The following ANKRD12 variants were observed in gnomAD, a reference collection of about 807,000 sequenced individuals.
The protein encoded by ANKRD12 is ankyrin repeat domain-containing protein 12.
In ANKRD12, 85 loss-of-function variants were observed where a neutral mutation model predicts 183.4. That is an observed-to-expected ratio of 0.46 (90% CI 0.39 to 0.56). The LOEUF is 0.56. Ranked by LOEUF, ANKRD12 falls within the 20% of genes least tolerant of loss-of-function variation. ANKRD12 has a pLI of 0.00. For missense variants in ANKRD12, 2,405 were observed against 2,357.1 expected, an observed-to-expected ratio of 1.02 and a Z score of -0.42; for synonymous variants, 914 against 800.2, an observed-to-expected ratio of 1.14 and a Z score of -2.40.
chr18:9,241,873 A>T (rs1436471864), intron 8 of ANKRD12, among the ~76,000 whole-genome samples: 1 of 151,530 alleles, frequency 6.6e-6, no homozygotes, highest in Non-Finnish European at 1.5e-5. Context: ...AAAGCCCAAG[A>T]GTTTTAAATT....
intron 1 of ANKRD12, among the ~76,000 whole-genome samples, chr18:9,142,904 T>A (rs2078368702): frequency 6.6e-6 from 1 of 152,004 alleles, no homozygotes; most frequent in Non-Finnish European, 1.5e-5. Flanking sequence ...TTAGTTGTAA[T>A]GGTTAATGAT....
intron 1 of ANKRD12, among the ~76,000 whole-genome samples, chr18:9,171,906 GCTACT>G (rs1017459206): frequency 1.3e-5 from 2 of 151,776 alleles, no homozygotes; most frequent in Non-Finnish European, 2.9e-5. Context: ...TGTAATCCTG[GCTACT>G]TGGGAGGCTG....
Position 9,156,211 on chromosome 18 carries a change from A to AT in ANKRD12, c.-52+19251dup, listed in dbSNP as rs563993359. The stretch of plus-strand genomic sequence containing the variant: ...TTGGAAAGGCTTTCTCTATCCAAGG[A>AT]TTTTTCCCCTAATACTTATATGGTT... On this transcript the variant is annotated intron_variant, in intron 1 of 12. Coordinates refer to ENST00000262126, the MANE Select transcript of ANKRD12 (RefSeq NM_015208.5). Among the ~76,000 whole-genome samples the AT allele has an allele frequency of 1.6e-3, 242 of 151,558 alleles. 1 individual carries two copies. Among genetic ancestry groups the AT allele is most frequent in the Non-Finnish European group, 2.4e-3 (163 of 67,894 alleles).
intron 1 of ANKRD12, among the ~76,000 whole-genome samples, chr18:9,171,326 A>G (rs2032707225): frequency 6.6e-6 from 1 of 152,186 alleles, no homozygotes; most frequent in South Asian, 2.1e-4. Context: ...GGCTCCTCCA[A>G]GCATGAAATG....
chr18:9,166,786 C>A (rs1426288164), intron 1 of ANKRD12, among the ~76,000 whole-genome samples: 1 of 152,078 alleles, frequency 6.6e-6, no homozygotes, highest in African/African-American at 2.4e-5. Context: ...TCATGAAGTC[C>A]TTGCCCATGC....
intron 3 of ANKRD12, among the ~76,000 whole-genome samples, chr18:9,196,223 C>CATAT (rs199953345): frequency 2.1e-4 from 11 of 52,454 alleles, no homozygotes; most frequent in African/African-American, 6.6e-4. Flanking sequence ...CACACACACA[C>CATAT]TGAGGCTAAC....
intron 1 of ANKRD12, among the ~76,000 whole-genome samples, chr18:9,157,603 A>ATTTT (rs560783016): frequency 2.4e-5 from 2 of 84,640 alleles, no homozygotes; most frequent in Non-Finnish European, 4.5e-5. Context: ...ATATATATGT[A>ATTTT]TTTTTTTTTT....
chr18:9,151,018 T>C (rs2078667827), intron 1 of ANKRD12, among the ~76,000 whole-genome samples: 1 of 152,186 alleles, frequency 6.6e-6, no homozygotes, highest in East Asian at 1.9e-4. Flanking sequence ...GAGCTTTTTG[T>C]GGGAAAATGT....
At chr18:9,182,320 A>T (rs2033752721) in intron 1 of ANKRD12, 62 bp from the exon 2 acceptor site, 1 of 516,140 alleles carries the variant, frequency 1.9e-6, no homozygotes, top group Non-Finnish European at 3.1e-6. Flanking sequence ...AATTGGACTA[A>T]TTGTGGTGCG....
In ANKRD12 at chr18:9,275,663, C is replaced by G. The variant is rs2039796370; in HGVS notation, c.5903C>G (p.Ser1968Cys). 13 of 1,559,284 alleles carry G rather than the reference C, an allele frequency of 8.3e-6. No individual in the cohort carries two copies. Among genetic ancestry groups the G allele is most frequent in the Non-Finnish European group, 1.1e-5 (13 of 1,143,582 alleles). Residue 1968 changes from serine to cysteine, a missense_variant, in exon 11 of 13, where the codon TCT (serine) becomes TGT (cysteine). By Grantham distance (112) the Ser-to-Cys change is moderately radical. Transcript: ENST00000262126. Reference sequence around the variant, plus strand: ...GAAGTATACAATGTACCATTGGACTCTCAGGTAAAATGTTTGTTGATACAT... The same window carrying G: ...GAAGTATACAATGTACCATTGGACTGTCAGGTAAAATGTTTGTTGATACAT... ...DAEVYNVPLD[S>C]QSDDSKTSVR...
At chr18:9,203,690 G>A (rs1440987473) in intron 3 of ANKRD12, among the ~76,000 whole-genome samples, 2 of 151,896 alleles carry the variant, frequency 1.3e-5, no homozygotes, top group African/African-American at 4.8e-5. Context: ...CCGCAACCCC[G>A]GCCACCTGGG....
intron 5 of ANKRD12, 45 bp from the exon 6 acceptor site, chr18:9,211,539 G>A (rs1787096463): frequency 6.6e-7 from 1 of 1,526,662 alleles, no homozygotes; most frequent in Admixed American, 1.7e-5. Context: ...TAAGTATACA[G>A]AATATTTAGC....
At chr18:9,211,525 TA>T in intron 5 of ANKRD12, 58 bp from the exon 6 acceptor site, 1 of 1,452,368 alleles carries the variant, frequency 6.9e-7, no homozygotes, top group Non-Finnish European at 9.5e-7. Context: ...TAAAAACATT[TA>T]AATAAGTATA....
Position 9,157,585 on chromosome 18 carries a change from G to GTATA in ANKRD12, c.-52+20632_-52+20635dup, listed in dbSNP as rs1380048925. 3.3e-3 allele frequency among the ~76,000 whole-genome samples: 303 copies of GTATA among 92,674 alleles called. 2 individuals carry two copies. Among genetic ancestry groups the GTATA allele is most frequent in the African/African-American group, 0.011 (208 of 19,042 alleles). The allele number at this position is 92,674 out of a possible 152,430, so 60.8% of individuals were successfully genotyped here. On this transcript the variant is annotated intron_variant, in intron 1 of 12. Transcript: ENST00000262126. ...TGTGTGTGTGTGTGTGTGTGTGTGT[G>GTATA]TATATATATATATATGTATTTTTTT...
intron 2 of ANKRD12, among the ~76,000 whole-genome samples, chr18:9,194,216 C>A (rs4798784): frequency 0.56 from 85,686 of 151,976 alleles, 25,257 homozygotes; most frequent in South Asian, 0.75. Context: ...CCCAGAGATT[C>A]TGATTCAGTA....
At chr18:9,251,259 C>A (rs992511571) in intron 8 of ANKRD12, among the ~76,000 whole-genome samples, 10 of 152,210 alleles carry the variant, frequency 6.6e-5, no homozygotes, top group African/African-American at 2.4e-4. Flanking sequence ...CCGCATCAGC[C>A]ACATCTGCTT....
chr18:9,152,112 A>G (rs1425462297), intron 1 of ANKRD12, among the ~76,000 whole-genome samples: 3 of 152,230 alleles, frequency 2.0e-5, no homozygotes, highest in African/African-American at 7.2e-5. Context: ...TATTTAATCT[A>G]AAGTACATGT....
In ANKRD12 at chr18:9,208,723, G is replaced by A; in HGVS notation, c.371G>A (p.Ser124Asn). Residue 124 changes from serine to asparagine, a missense_variant, in exon 5 of 13, where the codon AGC becomes AAC. Ser to Asn is a conservative substitution (Grantham distance 46). Around this residue, in one of 7 missense-constraint regions of ANKRD12, gnomAD observed 145 missense variants for 145.6 expected, o/e 1.00. Coordinates refer to ENST00000262126, the MANE Select transcript of ANKRD12 (RefSeq NM_015208.5). ...GGAAATAAGAAATCCACACCAGTTA[G>A]CATTCTTTTTGGTTATCCACTCTCT... ...EAGNKKSTPV[S>N]ILFGYPLSER... is the part of the protein sequence containing the mutation. 6.2e-7 allele frequency: 1 copy of A among 1,610,958 alleles called. No individual in the cohort carries two copies. The highest frequency in any genetic ancestry group is 8.5e-7 in the Non-Finnish European group (1 of 1,178,366).
At chr18:9,279,089 TTTCTTCA>T (rs1568011310) in intron 11 of ANKRD12, among the ~76,000 whole-genome samples, 2 of 322 alleles carry the variant, frequency 6.2e-3, no homozygotes, top group Non-Finnish European at 0.013. Flanking sequence ...TGATAAAGAA[TTTCTTCA>T]TGAGAAAGAA....
Sources: allele counts gnomAD v4.1 joint callset (sites outside exome capture counted in the v4.1 genomes callset), GRCh38; gene constraint gnomAD v4.1.1; regional missense constraint gnomAD v4.1.1; transcripts MANE v1.5; gene names NCBI Gene and HGNC (gene_info 2026-07-23, HGNC 2026-07-21).